Variants in GALNT17 observed in about 807,000 individuals in gnomAD.
GALNT17 encodes polypeptide N-acetylgalactosaminyltransferase 17.
In GALNT17, 29 loss-of-function variants were observed where a neutral mutation model predicts 63.7. The observed-to-expected ratio is 0.46, with a 90% CI of 0.34 to 0.62. The LOEUF is 0.62. Among genes scored for constraint, GALNT17 ranks in the 20% least tolerant of loss-of-function variants. The pLI is 0.01. For missense variants in GALNT17, 603 were observed against 799.6 expected (o/e 0.75, Z 2.97); for synonymous variants, 305 against 318.3 (o/e 0.96, Z 0.45).
chr7:71,318,494 A>C (rs1384306911), intron 1 of GALNT17, among the ~76,000 whole-genome samples: 1 of 146,134 alleles, frequency 6.8e-6, no homozygotes. Flanking sequence ...ATCTCGGCTC[A>C]CTGCCACCAC....
At chr7:71,590,457 A>T (rs952686253) in intron 6 of GALNT17, among the ~76,000 whole-genome samples, 1 of 152,164 alleles carries the variant, frequency 6.6e-6, no homozygotes, top group African/African-American at 2.4e-5. Flanking sequence ...TCTCCTTGGG[A>T]ATAAAGCAAT....
chr7:71,426,997 T>C (rs548975731), intron 5 of GALNT17, among the ~76,000 whole-genome samples: 1 of 152,218 alleles, frequency 6.6e-6, no homozygotes, highest in South Asian at 2.1e-4. Context: ...TCAATCCATA[T>C]TAATAATGAT....
At chr7:71,429,177 C>T (rs1786815387) in intron 5 of GALNT17, among the ~76,000 whole-genome samples, 1 of 151,850 alleles carries the variant, frequency 6.6e-6, no homozygotes, top group South Asian at 2.1e-4. Context: ...TAACACAGTA[C>T]ATACATCTGA....
intron 1 of GALNT17, among the ~76,000 whole-genome samples, chr7:71,268,600 AAAAG>A (rs1377316291): frequency 2.0e-5 from 3 of 151,470 alleles, no homozygotes; most frequent in Non-Finnish European, 2.9e-5. Flanking sequence ...AATATTAAAA[AAAAG>A]AGATTGGGCT....
chr7:71,480,883 C>T (rs1285766203), intron 5 of GALNT17, among the ~76,000 whole-genome samples: 2 of 152,276 alleles, frequency 1.3e-5, no homozygotes, highest in Middle Eastern at 3.4e-3. Flanking sequence ...CCATGGAGGC[C>T]TTGTGCTTTC....
intron 6 of GALNT17, among the ~76,000 whole-genome samples, chr7:71,632,271 C>T (rs1217938905): frequency 6.6e-6 from 1 of 152,050 alleles, no homozygotes; most frequent in East Asian, 1.9e-4. Flanking sequence ...GAAGCAAGGC[C>T]CTGGGGGACC....
chr7:71,670,718 G>A (rs535778959), intron 8 of GALNT17, among the ~76,000 whole-genome samples: 4 of 152,272 alleles, frequency 2.6e-5, no homozygotes, highest in Admixed American at 2.6e-4. Context: ...CACCTTATGA[G>A]AGATTAGCGT....
intron 5 of GALNT17, among the ~76,000 whole-genome samples, chr7:71,476,875 T>G (rs1406607241): frequency 6.6e-6 from 1 of 151,962 alleles, no homozygotes; most frequent in East Asian, 1.9e-4. Context: ...TTAGCAAGTG[T>G]GAGGTTCTGT....
intron 3 of GALNT17, among the ~76,000 whole-genome samples, chr7:71,388,936 G>T (rs1208498407): frequency 1.3e-5 from 2 of 152,186 alleles, no homozygotes; most frequent in Non-Finnish European, 2.9e-5. Context: ...GCAGTCTGCG[G>T]CCTGTTAGGA....
At chr7:71,243,343 A>AAATT (rs1282722711) in intron 1 of GALNT17, among the ~76,000 whole-genome samples, 26 of 152,200 alleles carry the variant, frequency 1.7e-4, no homozygotes, top group Non-Finnish European at 8.8e-5. Flanking sequence ...TTTTCTTTAT[A>AAATT]AATTACCCAG....
In GALNT17 at chr7:71,670,084, A is replaced by G; in HGVS notation, c.1379A>G (p.Tyr460Cys). 1 of 1,614,204 alleles carries G rather than the reference A, an allele frequency of 6.2e-7. No homozygotes were observed. Among genetic ancestry groups the G allele is most frequent in the Non-Finnish European group, 8.5e-7 (1 of 1,180,028 alleles). The change falls in exon 8 of 11, where the codon TAC (tyrosine) becomes TGC (cysteine). Residue 460 changes from tyrosine (Y) to cysteine (C), a missense_variant. This residue lies in a region of GALNT17 where 336 missense variants were observed against 507.8 expected (regional missense o/e 0.66). Transcript: ENST00000333538. Reference sequence around the variant, plus strand: ...CATGTTTACCCAGAAATGAGAAGATACAATAATACCGTTGCTTACGGGGAG... The same window carrying G: ...CATGTTTACCCAGAAATGAGAAGATGCAATAATACCGTTGCTTACGGGGAG... Reference protein sequence around the residue: ...LDHVYPEMRRYNNTVAYGELR... With the variant: ...LDHVYPEMRRCNNTVAYGELR...
At chr7:71,359,182 C>T (rs1262006939) in intron 2 of GALNT17, among the ~76,000 whole-genome samples, 1 of 152,194 alleles carries the variant, frequency 6.6e-6, no homozygotes, top group East Asian at 1.9e-4. Flanking sequence ...AGGTTGGATA[C>T]TTTATAAAGA....
At chr7:71,359,324 G>T (rs915940868) in intron 2 of GALNT17, among the ~76,000 whole-genome samples, 1 of 152,164 alleles carries the variant, frequency 6.6e-6, no homozygotes, top group African/African-American at 2.4e-5. Context: ...AGCGTGCAGA[G>T]ATCTCATGGT....
At chr7:71,621,537 T>TGGATA (rs1554316541) in intron 6 of GALNT17, among the ~76,000 whole-genome samples, 4 of 138,952 alleles carry the variant, frequency 2.9e-5, no homozygotes, top group Admixed American at 6.9e-5. Context: ...ATGGATGGAT[T>TGGATA]GATGGATTGA....
intron 6 of GALNT17, among the ~76,000 whole-genome samples, chr7:71,657,431 ATGAACC>A (rs1790844654): frequency 6.6e-6 from 1 of 152,224 alleles, no homozygotes; most frequent in African/African-American, 2.4e-5. Flanking sequence ...GTGAATATAA[ATGAACC>A]AGTCATGTTG....
intron 5 of GALNT17, among the ~76,000 whole-genome samples, chr7:71,449,205 C>T (rs557955262): frequency 3.1e-4 from 46 of 148,920 alleles, no homozygotes; most frequent in African/African-American, 7.4e-4. Flanking sequence ...CCCCACCTAC[C>T]GGGTTCAAGC....
rs527397697 is a variant in GALNT17, at chr7:71,323,394, A to T, written c.239-12156A>T. On this transcript the variant is annotated intron_variant, in intron 1 of 10. Transcript: ENST00000333538. ...GACCTCTCCTTTCTTCCAACCCAAG[A>T]TTCTAAGTTGGACTGCAGGTGTACT... 3.3e-5 allele frequency among the ~76,000 whole-genome samples: 5 copies of T among 152,310 alleles called. No individual in the cohort carries two copies. In the South Asian group the frequency reaches 1.0e-3, roughly 32 times the overall value.
At chr7:71,271,133 T>A (rs1790581281) in intron 1 of GALNT17, among the ~76,000 whole-genome samples, 1 of 152,172 alleles carries the variant, frequency 6.6e-6, no homozygotes, top group Non-Finnish European at 1.5e-5. Flanking sequence ...ATTCCAAATG[T>A]GTTAGAGCAG....
At chr7:71,148,858 TTTTATATATATATATATATA>T (rs1218896586) in intron 1 of GALNT17, among the ~76,000 whole-genome samples, 3 of 91,914 alleles carry the variant, frequency 3.3e-5, no homozygotes, top group Admixed American at 1.3e-4. Flanking sequence ...ATTATGGTAT[TTTTATATATATATATATATA>T]TATATATATA....
Sources: gnomAD v4.1 joint callset for allele counts (sites outside exome capture counted in the v4.1 genomes callset) on GRCh38, gnomAD v4.1.1 for gene constraint, gnomAD v4.1.1 regional missense constraint, MANE v1.5 for transcripts, NCBI Gene and HGNC (gene_info 2026-07-23, HGNC 2026-07-21) for gene names.